The following NFATC1 variants were observed in gnomAD, a reference collection of about 807,000 sequenced individuals.
The protein encoded by NFATC1 is nuclear factor of activated T-cells, cytoplasmic 1.
NFATC1 carries 22 observed loss-of-function variants against 76.0 expected under a neutral mutation model. The observed-to-expected ratio is 0.29, with a 90% CI of 0.21 to 0.41. The LOEUF is 0.41. Among genes scored for constraint, NFATC1 ranks in the 10% least tolerant of loss-of-function variants. The pLI is 1.00. For missense variants in NFATC1, 1,357 were observed against 1,337.7 expected (o/e 1.01, Z -0.23); for synonymous variants, 704 against 613.1 (o/e 1.15, Z -2.19).
At chr18:79,506,095 C>G (rs1569039341) in intron 9 of NFATC1, among the ~76,000 whole-genome samples, 1 of 152,124 alleles carries the variant, frequency 6.6e-6, no homozygotes, top group South Asian at 2.1e-4. Context: ...GCTGGGAGAC[C>G]CTAGCAATGC....
At chr18:79,455,329 T>C (rs905414456) in intron 6 of NFATC1, among the ~76,000 whole-genome samples, 1 of 152,288 alleles carries the variant, frequency 6.6e-6, no homozygotes, top group East Asian at 1.9e-4. Context: ...GTCTCGTCAG[T>C]GGTCGTTTCT....
chr18:79,467,279 C>T (rs947729573), intron 7 of NFATC1, among the ~76,000 whole-genome samples, 171 bp from the exon 8 acceptor site: 11 of 145,118 alleles, frequency 7.6e-5, no homozygotes, highest in African/African-American at 2.6e-4. Flanking sequence ...TTTACCGTCA[C>T]GGCAGTCCTG....
intron 7 of NFATC1, 72 bp downstream of exon 7, chr18:79,461,438 A>C: frequency 6.5e-7 from 1 of 1,537,798 alleles, no homozygotes; most frequent in Non-Finnish European, 9.0e-7. Flanking sequence ...TGCTGGAGCC[A>C]CTGCGGGTCC....
chr18:79,398,416 T>G (rs2085074764), intron 1 of NFATC1, among the ~76,000 whole-genome samples: 1 of 152,276 alleles, frequency 6.6e-6, no homozygotes, highest in South Asian at 2.1e-4. Flanking sequence ...CCCCAGCCTC[T>G]GGGAGGATGC....
At chr18:79,401,599 G>A (rs1285639930) in intron 1 of NFATC1, among the ~76,000 whole-genome samples, 4 of 152,232 alleles carry the variant, frequency 2.6e-5, no homozygotes, top group Non-Finnish European at 5.9e-5. Flanking sequence ...AGTCCTCCCC[G>A]GCTTGAGCCA....
At chr18:79,448,683 C>T (rs1568974440) in intron 3 of NFATC1, 99 bp from the exon 4 acceptor site, 13 of 1,150,548 alleles carry the variant, frequency 1.1e-5, no homozygotes, top group South Asian at 4.2e-5. Flanking sequence ...GGCAGGGGGA[C>T]ACAGGCCTCG....
At chr18:79,518,502 C>A (rs1055696655) in intron 9 of NFATC1, among the ~76,000 whole-genome samples, 9 of 152,166 alleles carry the variant, frequency 5.9e-5, no homozygotes, top group African/African-American at 2.2e-4. Context: ...TGGCACCCCC[C>A]CTCTCGCTCG....
chr18:79,511,527 C>T (rs2090253571), intron 9 of NFATC1, among the ~76,000 whole-genome samples: 1 of 152,164 alleles, frequency 6.6e-6, no homozygotes, highest in African/African-American at 2.4e-5. Context: ...GCACCAGGGC[C>T]ATGGCACAGT....
chr18:79,405,754 C>G (rs1033593189), intron 1 of NFATC1, among the ~76,000 whole-genome samples: 2 of 152,236 alleles, frequency 1.3e-5, no homozygotes, highest in Non-Finnish European at 2.9e-5. Flanking sequence ...CTTAGGTGAG[C>G]CCTTTTTGTT....
intron 9 of NFATC1, among the ~76,000 whole-genome samples, chr18:79,510,975 G>A (rs1471175899): frequency 1.3e-5 from 2 of 152,246 alleles, no homozygotes; most frequent in African/African-American, 4.8e-5. Context: ...TCGCTGCGGT[G>A]GAAGTGTCGT....
chr18:79,411,923 C>T (rs1223283101), intron 2 of NFATC1, among the ~76,000 whole-genome samples: 2 of 152,218 alleles, frequency 1.3e-5, no homozygotes, highest in South Asian at 2.1e-4. Context: ...GGGAATTGCA[C>T]GTGCCTGGCC....
chr18:79,484,356 T>G (rs2089434145), intron 8 of NFATC1, among the ~76,000 whole-genome samples: 1 of 152,100 alleles, frequency 6.6e-6, no homozygotes, highest in South Asian at 2.1e-4. Flanking sequence ...GGCTGCGTCC[T>G]GGGAAGGCCT....
intron 6 of NFATC1, among the ~76,000 whole-genome samples, chr18:79,457,051 G>A (rs1377304591): frequency 1.3e-5 from 2 of 152,242 alleles, no homozygotes; most frequent in African/African-American, 4.8e-5. Context: ...CAGGGAGAAG[G>A]TGACATTGCT....
In NFATC1 at chr18:79,465,271, A is replaced by G. The variant is rs922286805; in HGVS notation, c.1960-2179A>G. Among the ~76,000 whole-genome samples, 2 of 152,120 alleles carry G rather than the reference A, an allele frequency of 1.3e-5. No homozygotes were observed. Among genetic ancestry groups the G allele is most frequent in the Admixed American group, 1.3e-4 (2 of 15,278 alleles). On this transcript the variant is annotated intron_variant, in intron 7 of 9. Transcript: ENST00000427363. The surrounding 1 kb of genome is among the most constrained non-coding windows in gnomAD (Gnocchi z 4.2). ...AGTATTTTTGTCATATAATTTGTCT[A>G]TTTAGAGAGTTGAAGTGGGTTGGCC... is the stretch of plus-strand genomic sequence containing the variant.
Position 79,451,088 on chromosome 18 carries a change from C to T in NFATC1, c.1724C>T (p.Thr575Met), listed in dbSNP as rs756125243. 24 of 1,612,956 alleles carry T rather than the reference C, an allele frequency of 1.5e-5. No individual in the cohort carries two copies. The highest frequency in any genetic ancestry group is 4.0e-5 in the African/African-American group (3 of 74,960). ...RVHVPQPSGR[T>M]LSLQVASNPI... ...CACGTCCCGCAACCCAGCGGCCGCACGCTGTCCCTGCAGGTGGCCTCCAAC... is the reference window on the plus strand; with the variant it reads ...CACGTCCCGCAACCCAGCGGCCGCATGCTGTCCCTGCAGGTGGCCTCCAAC... The change falls in exon 5 of 10, where the codon ACG becomes ATG. Residue 575 changes from threonine (T) to methionine (M), a missense_variant. Around this residue, in one of 3 missense-constraint regions of NFATC1, gnomAD observed 242 missense variants for 329.2 expected, o/e 0.74. Transcript: ENST00000427363.
At chr18:79,402,311 A>G in intron 1 of NFATC1, 1 of 985,362 alleles carries the variant, frequency 1.0e-6, no homozygotes, top group Non-Finnish European at 1.2e-6. Context: ...TCCTGCTGGC[A>G]TCGGATATGG....
chr18:79,495,966 C>T (rs1020071371), intron 9 of NFATC1: 35 of 152,180 alleles, frequency 2.3e-4, no homozygotes, highest in Admixed American at 6.5e-4. Flanking sequence ...GTAAGGCGTC[C>T]GCAAGTGTCA....
At chr18:79,494,171 C>T (rs972835771) in intron 9 of NFATC1, among the ~76,000 whole-genome samples, 5 of 152,220 alleles carry the variant, frequency 3.3e-5, no homozygotes, top group Admixed American at 2.6e-4. Context: ...TCTCAGCCAG[C>T]GACCGCGAGG....
chr18:79,479,475 A>G (rs2145014124), intron 8 of NFATC1, among the ~76,000 whole-genome samples: 1 of 152,370 alleles, frequency 6.6e-6, no homozygotes, highest in African/African-American at 2.4e-5. Flanking sequence ...CAGAGCAGGC[A>G]TCCATCTTCT....
Sources: allele counts gnomAD v4.1 joint callset (sites outside exome capture counted in the v4.1 genomes callset), GRCh38; gene constraint gnomAD v4.1.1; regional missense constraint gnomAD v4.1.1; non-coding constraint Gnocchi (gnomAD v3.1); transcripts MANE v1.5; gene names NCBI Gene and HGNC (gene_info 2026-07-23, HGNC 2026-07-21).